The following FHIT variants were observed in gnomAD, a reference collection of about 807,000 sequenced individuals.
FHIT encodes bis(5'-adenosyl)-triphosphatase.
A neutral mutation model predicts 17.9 loss-of-function variants in FHIT; 19 were observed. That is an observed-to-expected ratio of 1.06 (90% CI 0.74 to 1.56). FHIT has a LOEUF of 1.56. FHIT is among the 40% of genes most tolerant of loss of function. The probability of loss-of-function intolerance (pLI) is 0.00; values close to 1 mark genes in which losing one functional copy is unlikely to be tolerated. For missense variants in FHIT, 248 were observed against 189.2 expected, an observed-to-expected ratio of 1.31 and a Z score of -1.82; for synonymous variants, 81 against 69.7, an observed-to-expected ratio of 1.16 and a Z score of -0.81.
chr3:60,260,982 A>T (rs1706264379), intron 5 of FHIT, among the ~76,000 whole-genome samples: 1 of 151,940 alleles, frequency 6.6e-6, no homozygotes, highest in African/African-American at 2.4e-5. Flanking sequence ...GAGGAACCCA[A>T]CCCTCAGCTC....
At chr3:60,080,465 C>A (rs565504283) in intron 5 of FHIT, among the ~76,000 whole-genome samples, 1 of 152,254 alleles carries the variant, frequency 6.6e-6, no homozygotes, top group East Asian at 1.9e-4. Flanking sequence ...CCCTACTTAG[C>A]TGCAAGTAAA....
intron 3 of FHIT, among the ~76,000 whole-genome samples, chr3:60,940,696 T>C (rs144932355): frequency 3.6e-4 from 55 of 152,280 alleles, no homozygotes; most frequent in African/African-American, 1.2e-3. Context: ...TTCTGAAAAA[T>C]TGACCTTACA....
chr3:60,495,700 G>A (rs1402675865), intron 5 of FHIT, among the ~76,000 whole-genome samples: 1 of 152,068 alleles, frequency 6.6e-6, no homozygotes, highest in Non-Finnish European at 1.5e-5. Context: ...AAATTTCACG[G>A]CCTTTTCCCA....
At chr3:60,072,312 T>C (rs1702810909) in intron 5 of FHIT, among the ~76,000 whole-genome samples, 1 of 152,184 alleles carries the variant, frequency 6.6e-6, no homozygotes, top group Non-Finnish European at 1.5e-5. Context: ...TTCTAGATGA[T>C]TTGGTGCTAA....
intron 5 of FHIT, among the ~76,000 whole-genome samples, chr3:60,097,206 C>T (rs1703989366): frequency 6.6e-6 from 1 of 151,942 alleles, no homozygotes; most frequent in Admixed American, 6.6e-5. Flanking sequence ...TTATCCCCTA[C>T]AGGTAACTGA....
intron 7 of FHIT, among the ~76,000 whole-genome samples, chr3:59,967,896 A>C (rs554486007): frequency 7.9e-5 from 12 of 152,228 alleles, no homozygotes; most frequent in African/African-American, 2.9e-4. Context: ...AAAAGAATGG[A>C]GAAAAGATAT....
intron 5 of FHIT, among the ~76,000 whole-genome samples, chr3:60,192,087 C>A (rs1339941652): frequency 6.6e-6 from 1 of 151,670 alleles, no homozygotes; most frequent in Non-Finnish European, 1.5e-5. Context: ...CCTGTCTCTA[C>A]CAAAAATATA....
intron 5 of FHIT, among the ~76,000 whole-genome samples, chr3:60,456,781 G>A (rs904885109): frequency 1.3e-5 from 2 of 152,076 alleles, no homozygotes; most frequent in Non-Finnish European, 2.9e-5. Flanking sequence ...TCTTAATGAA[G>A]ACTTTTAATA....
At chr3:60,632,330 T>C (rs1456937902) in intron 4 of FHIT, among the ~76,000 whole-genome samples, 9 of 152,296 alleles carry the variant, frequency 5.9e-5, no homozygotes, top group Admixed American at 3.9e-4. Flanking sequence ...CAGAAACTAC[T>C]TTTAGCACAT....
At chr3:60,929,569 A>C (rs1553771101) in intron 3 of FHIT, among the ~76,000 whole-genome samples, 2 of 150,592 alleles carry the variant, frequency 1.3e-5, no homozygotes, top group Middle Eastern at 3.2e-3. Flanking sequence ...ATACCAATAA[A>C]AGACAAACAG....
At chr3:60,379,972 A>G (rs1033956979) in intron 5 of FHIT, among the ~76,000 whole-genome samples, 1 of 152,230 alleles carries the variant, frequency 6.6e-6, no homozygotes, top group Non-Finnish European at 1.5e-5. Flanking sequence ...AAACAACAGC[A>G]TCAATAATAA....
At chr3:60,381,156 C>G (rs1042529947) in intron 5 of FHIT, among the ~76,000 whole-genome samples, 5 of 152,080 alleles carry the variant, frequency 3.3e-5, no homozygotes, top group African/African-American at 9.7e-5. Context: ...CCCAATTTAG[C>G]AGAAGTATAT....
chr3:60,108,817 C>A (rs1158310286), intron 5 of FHIT, among the ~76,000 whole-genome samples: 2 of 152,084 alleles, frequency 1.3e-5, no homozygotes, highest in African/African-American at 4.8e-5. Context: ...GTGTGCGCCA[C>A]CAAGCCCAGC....
intron 5 of FHIT, among the ~76,000 whole-genome samples, chr3:60,035,356 C>T (rs963414490): frequency 1.3e-5 from 2 of 152,152 alleles, no homozygotes; most frequent in Admixed American, 1.3e-4. Flanking sequence ...CCTGCCTCAG[C>T]CTCCCGAGTA....
chr3:59,970,824 G>C lies in FHIT; in HGVS notation c.279+40547C>G, dbSNP rs113056248. Among the ~76,000 whole-genome samples, 1,054 of 135,234 alleles carry C rather than the reference G, an allele frequency of 7.8e-3. 2 individuals are homozygous for C. Among genetic ancestry groups the C allele is most frequent in the Non-Finnish European group, 0.012 (739 of 62,902 alleles). The allele number at this position is 135,234 out of a possible 152,430, so 88.7% of individuals were successfully genotyped here. On this transcript the variant is annotated intron_variant, in intron 7 of 9. Transcript: ENST00000492590. ...ATGCTTGGGATGCAAAAACCTGCAC[G>C]TCCCACTCCAGCCATTTTTTTTTTT...
At chr3:60,197,336 T>C (rs184740562) in intron 5 of FHIT, among the ~76,000 whole-genome samples, 22 of 152,322 alleles carry the variant, frequency 1.4e-4, no homozygotes, top group Admixed American at 2.6e-4. Flanking sequence ...AAATTTCTTA[T>C]TGATTTGCAT....
intron 8 of FHIT, among the ~76,000 whole-genome samples, chr3:59,795,058 C>T (rs2106946535): frequency 6.6e-6 from 1 of 152,202 alleles, no homozygotes; most frequent in Admixed American, 6.5e-5. Flanking sequence ...AGCATGGGGT[C>T]TAGCATACAG....
At chr3:59,862,854 G>T (rs1402881835) in intron 8 of FHIT, among the ~76,000 whole-genome samples, 1 of 148,594 alleles carries the variant, frequency 6.7e-6, no homozygotes, top group Non-Finnish European at 1.5e-5. Context: ...AAGGAGCCTG[G>T]GTACTTACTC....
At chr3:60,085,730 G>C (rs1297812527) in intron 5 of FHIT, among the ~76,000 whole-genome samples, 1 of 152,118 alleles carries the variant, frequency 6.6e-6, no homozygotes, top group Non-Finnish European at 1.5e-5. Context: ...AGGCCAAAAT[G>C]GTTTATATAT....
Sources: allele counts gnomAD v4.1 joint callset (sites outside exome capture counted in the v4.1 genomes callset), GRCh38; gene constraint gnomAD v4.1.1; transcripts MANE v1.5; gene names NCBI Gene and HGNC (gene_info 2026-07-23, HGNC 2026-07-21).